ZMAT4: variants seen among roughly 807,000 people sequenced by gnomAD.
The protein encoded by ZMAT4 is zinc finger matrin-type protein 4.
Under a neutral mutation model 28.7 loss-of-function variants are expected in ZMAT4, and 17 were observed. The ratio of observed to expected loss-of-function variants is 0.59; its 90% CI spans 0.41 to 0.89. The LOEUF (loss-of-function observed/expected upper bound fraction) is 0.89, where lower values mean the gene tolerates loss of function less well. ZMAT4 is among the 40% of genes least tolerant of loss of function. ZMAT4 has a pLI of 0.00. For synonymous variants in ZMAT4, 117 were observed against 109.2 expected, an observed-to-expected ratio of 1.07 and a Z score of -0.44; for missense variants, 240 against 283.8, an observed-to-expected ratio of 0.85 and a Z score of 1.11.
At chr8:40,745,353 C>T (rs1015773523) in intron 3 of ZMAT4, among the ~76,000 whole-genome samples, 5 of 152,066 alleles carry the variant, frequency 3.3e-5, no homozygotes, top group Non-Finnish European at 7.4e-5. Context: ...GGTTCTATTT[C>T]GAAGGTATTT....
At chr8:40,745,813 A>G (rs932732056) in intron 3 of ZMAT4, among the ~76,000 whole-genome samples, 10 of 152,200 alleles carry the variant, frequency 6.6e-5, no homozygotes, top group African/African-American at 2.4e-4. Context: ...TATATTGCTC[A>G]TCACTCAATT....
At chr8:40,615,041 C>T (rs1200409214) in intron 5 of ZMAT4, among the ~76,000 whole-genome samples, 2 of 152,130 alleles carry the variant, frequency 1.3e-5, no homozygotes, top group Non-Finnish European at 2.9e-5. Context: ...TACATTTTGG[C>T]ATGTTTTTGC....
At chr8:40,859,582 A>T (rs1817419377) in intron 1 of ZMAT4, among the ~76,000 whole-genome samples, 1 of 152,126 alleles carries the variant, frequency 6.6e-6, no homozygotes, top group Admixed American at 6.5e-5. Context: ...AGACAACCCC[A>T]ATTAAGGACA....
At chr8:40,797,032 C>T (rs1460153345) in intron 2 of ZMAT4, among the ~76,000 whole-genome samples, 1 of 152,202 alleles carries the variant, frequency 6.6e-6, no homozygotes, top group East Asian at 1.9e-4. Flanking sequence ...TCACTCCCCT[C>T]ACTCTGTGCT....
rs569644749 is a variant in ZMAT4 at position 40,693,073 on chromosome 8, A to G, written c.349+4172T>C. ...CTGTAACTAGTTAAGCTAAAATGAG[A>G]TCATATTGGATTAAAGTGTGCCCTA... is the stretch of plus-strand genomic sequence containing the variant. On this transcript the variant is annotated intron_variant, in intron 4 of 6. Coordinates refer to ENST00000297737, the MANE Select transcript of ZMAT4 (RefSeq NM_024645.3). Among the ~76,000 whole-genome samples the G allele has an allele frequency of 3.3e-5, 5 of 152,232 alleles. No individual in the cohort carries two copies. The South Asian group carries it at 1.0e-3, about 32-fold the overall frequency.
At chr8:40,591,175 C>A (rs1422277787) in intron 5 of ZMAT4, among the ~76,000 whole-genome samples, 2 of 152,110 alleles carry the variant, frequency 1.3e-5, no homozygotes, top group African/African-American at 4.8e-5. Flanking sequence ...GTCATTAACA[C>A]TTAGGTGGCG....
At chr8:40,646,049 T>C (rs972935284) in intron 5 of ZMAT4, among the ~76,000 whole-genome samples, 1 of 152,022 alleles carries the variant, frequency 6.6e-6, no homozygotes, top group Non-Finnish European at 1.5e-5. Flanking sequence ...TACTAATATA[T>C]AGGTCCTAAT....
intron 5 of ZMAT4, among the ~76,000 whole-genome samples, chr8:40,674,080 CTTTTTTTTTTTTT>C (rs59753899): frequency 9.3e-6 from 1 of 107,272 alleles, no homozygotes; most frequent in Non-Finnish European, 1.8e-5. Flanking sequence ...TTTTTATCAT[CTTTTTTTTTTTTT>C]TTTTTTTTTT....
At chr8:40,693,607 T>C (rs1563415496) in intron 4 of ZMAT4, among the ~76,000 whole-genome samples, 1 of 152,216 alleles carries the variant, frequency 6.6e-6, no homozygotes. Context: ...TCAAACTTTG[T>C]ATGTAAAGAA....
intron 5 of ZMAT4, among the ~76,000 whole-genome samples, chr8:40,606,765 G>A (rs1326820582): frequency 6.6e-6 from 1 of 152,180 alleles, no homozygotes; most frequent in Non-Finnish European, 1.5e-5. Context: ...TTATTCCAGG[G>A]AATTGTTGCT....
Position 40,805,793 on chromosome 8 carries a change from G to A in ZMAT4, c.102+19782C>T, listed in dbSNP as rs59405507. 0.015 allele frequency among the ~76,000 whole-genome samples: 1,852 copies of A among 120,944 alleles called. 117 individuals are homozygous for A. The East Asian group carries it at 0.24, about 16-fold the overall frequency. 79.3% of individuals were successfully genotyped at this position (120,944 alleles called of 152,430 possible). On this transcript the variant is annotated intron_variant, in intron 2 of 6. Coordinates refer to ENST00000297737, the MANE Select transcript of ZMAT4 (RefSeq NM_024645.3). ...ATCACACTCTGGGGACTGTTGTGGGGTGGGGGGAGGGGGGAGGGATGGCAT... is the reference window on the plus strand; with the variant it reads ...ATCACACTCTGGGGACTGTTGTGGGATGGGGGGAGGGGGGAGGGATGGCAT...
chr8:40,648,529 A>G (rs1389082417), intron 5 of ZMAT4, among the ~76,000 whole-genome samples: 1 of 148,692 alleles, frequency 6.7e-6, no homozygotes, highest in African/African-American at 2.5e-5. Flanking sequence ...AACTTCCCCA[A>G]TCTAGCAAGG....
At chr8:40,721,999 C>T (rs992251085) in intron 3 of ZMAT4, among the ~76,000 whole-genome samples, 2 of 151,804 alleles carry the variant, frequency 1.3e-5, no homozygotes, top group African/African-American at 4.8e-5. Context: ...GGATCCCTTC[C>T]TTACACCTTA....
chr8:40,810,893 G>C (rs1348642299), intron 2 of ZMAT4, among the ~76,000 whole-genome samples: 3 of 152,060 alleles, frequency 2.0e-5, no homozygotes, highest in Non-Finnish European at 4.4e-5. Context: ...ATTTAAAAAT[G>C]AAATCATTTA....
At chr8:40,630,500 A>G (rs932831419) in intron 5 of ZMAT4, among the ~76,000 whole-genome samples, 6 of 152,234 alleles carry the variant, frequency 3.9e-5, no homozygotes, top group African/African-American at 1.2e-4. Context: ...GGAACTTAGA[A>G]TTTAAGCATG....
chr8:40,844,906 G>A (rs964565056), intron 1 of ZMAT4, among the ~76,000 whole-genome samples: 1 of 152,128 alleles, frequency 6.6e-6, no homozygotes, highest in African/African-American at 2.4e-5. Flanking sequence ...ATCAGGGTAA[G>A]AACTCAGGCA....
intron 2 of ZMAT4, among the ~76,000 whole-genome samples, chr8:40,782,402 C>A (rs368243871): frequency 1.5e-4 from 19 of 124,152 alleles, no homozygotes; most frequent in Admixed American, 3.0e-4. Context: ...AGCAAACAAA[C>A]AAACAAACAA....
At chr8:40,846,090 A>G (rs72641584) in intron 1 of ZMAT4, among the ~76,000 whole-genome samples, 14,217 of 152,202 alleles carry the variant, frequency 0.093, 765 homozygotes, top group South Asian at 0.17. Flanking sequence ...AACTTTCACT[A>G]AACAGTCTGC....
At chr8:40,602,858 G>T (rs1206984795) in intron 5 of ZMAT4, among the ~76,000 whole-genome samples, 1 of 152,118 alleles carries the variant, frequency 6.6e-6, no homozygotes, top group Admixed American at 6.6e-5. Context: ...CACTCTGTGG[G>T]TTGTCTGTTT....
Sources: allele counts gnomAD v4.1 joint callset (sites outside exome capture counted in the v4.1 genomes callset), GRCh38; gene constraint gnomAD v4.1.1; transcripts MANE v1.5; gene names NCBI Gene and HGNC (gene_info 2026-07-23, HGNC 2026-07-21).